Variants in CCDC141 observed in about 807,000 individuals in gnomAD.
The protein encoded by CCDC141 is coiled-coil domain containing 141.
In CCDC141, 168 loss-of-function variants were observed where a neutral mutation model predicts 181.0. The observed-to-expected ratio is 0.93, with a 90% CI of 0.82 to 1.05. The LOEUF is 1.05. Ranked by LOEUF, CCDC141 falls within the 50% of genes least tolerant of loss-of-function variation. The probability of loss-of-function intolerance (pLI) is 0.00; values close to 1 mark genes in which losing one functional copy is unlikely to be tolerated. For missense variants in CCDC141, 1,902 were observed against 1,788.5 expected (o/e 1.06, Z -1.14); for synonymous variants, 666 against 642.3 (o/e 1.04, Z -0.56).
intron 5 of CCDC141, among the ~76,000 whole-genome samples, chr2:178,950,802 G>A (rs945590635): frequency 2.0e-5 from 3 of 152,090 alleles, no homozygotes; most frequent in South Asian, 4.1e-4. Flanking sequence ...TTATTTTAAG[G>A]CAAACTTGTT....
At chr2:178,919,375 T>C (rs572932679) in intron 6 of CCDC141, among the ~76,000 whole-genome samples, 6 of 152,192 alleles carry the variant, frequency 3.9e-5, no homozygotes, top group Non-Finnish European at 5.9e-5. Flanking sequence ...TAGTAAATAT[T>C]GTAGTGGTAA....
chr2:178,835,155 T>G (rs543288441), intron 23 of CCDC141, among the ~76,000 whole-genome samples: 4 of 152,168 alleles, frequency 2.6e-5, no homozygotes, highest in Non-Finnish European at 4.4e-5. Flanking sequence ...TGACTCCTTA[T>G]AAACTGCATG....
intron 2 of CCDC141, among the ~76,000 whole-genome samples, chr2:179,000,449 C>T (rs2041936252): frequency 6.6e-6 from 1 of 152,074 alleles, no homozygotes; most frequent in Non-Finnish European, 1.5e-5. Context: ...ATAAAATATC[C>T]TAAAATATTC....
intron 2 of CCDC141, among the ~76,000 whole-genome samples, chr2:179,035,164 T>C (rs2043109593): frequency 6.6e-6 from 1 of 151,984 alleles, no homozygotes; most frequent in Non-Finnish European, 1.5e-5. Flanking sequence ...AGAATGCAGG[T>C]CAAACAGTCT....
chr2:178,861,407 A>G (rs1339565304), intron 17 of CCDC141, among the ~76,000 whole-genome samples: 3 of 152,096 alleles, frequency 2.0e-5, no homozygotes, highest in Non-Finnish European at 4.4e-5. Context: ...AGGCTGAGGC[A>G]GGTGGGTCAC....
At chr2:178,895,794 A>G (rs1687378474) in intron 8 of CCDC141, among the ~76,000 whole-genome samples, 1 of 152,188 alleles carries the variant, frequency 6.6e-6, no homozygotes, top group East Asian at 1.9e-4. Flanking sequence ...GTTATTTTTA[A>G]GTTCTTAAAT....
chr2:178,970,600 A>G (rs1252214364), intron 4 of CCDC141, among the ~76,000 whole-genome samples: 1 of 152,198 alleles, frequency 6.6e-6, no homozygotes, highest in Admixed American at 6.5e-5. Context: ...CCGTCCTTAC[A>G]CCTTATATGA....
intron 4 of CCDC141, among the ~76,000 whole-genome samples, chr2:178,965,589 A>T (rs1690590545): frequency 6.6e-6 from 1 of 152,148 alleles, no homozygotes; most frequent in Non-Finnish European, 1.5e-5. Flanking sequence ...CGGCACAGAT[A>T]CTGTGCTTGT....
intron 2 of CCDC141, among the ~76,000 whole-genome samples, chr2:179,033,005 A>G (rs967447640): frequency 1.4e-5 from 2 of 147,486 alleles, no homozygotes; most frequent in South Asian, 2.1e-4. Context: ...TTATATATAT[A>G]TATAATATAT....
intron 5 of CCDC141, among the ~76,000 whole-genome samples, chr2:178,959,211 G>A (rs998542866): frequency 1.3e-5 from 2 of 151,872 alleles, no homozygotes; most frequent in African/African-American, 4.8e-5. Context: ...GTTAATGGGT[G>A]CAGCACACCA....
In CCDC141 at chr2:178,935,721, A is replaced by T. The variant is rs376066928; in HGVS notation, c.897+8814T>A. On this transcript the variant is annotated intron_variant, in intron 6 of 23. Transcript: ENST00000443758. ...ATACTGTGATTTACACACTCCTATCAATGGTGTATAAGTGTTCCCTTTGCT... is the reference window on the plus strand; with the variant it reads ...ATACTGTGATTTACACACTCCTATCTATGGTGTATAAGTGTTCCCTTTGCT... 1.1e-4 allele frequency among the ~76,000 whole-genome samples: 16 copies of T among 152,206 alleles called. No homozygotes were observed. The South Asian group carries it at 3.3e-3, about 32-fold the overall frequency.
At chr2:178,889,096 T>C (rs1223527404) in intron 8 of CCDC141, among the ~76,000 whole-genome samples, 1 of 152,154 alleles carries the variant, frequency 6.6e-6, no homozygotes, top group East Asian at 1.9e-4. Flanking sequence ...TAGGGTAAAA[T>C]ATTTACATAA....
intron 8 of CCDC141, among the ~76,000 whole-genome samples, chr2:178,899,188 T>C (rs1187025250): frequency 1.3e-5 from 2 of 152,234 alleles, no homozygotes; most frequent in Admixed American, 6.5e-5. Context: ...AGTAACATGC[T>C]GCACAAGTCT....
intron 5 of CCDC141, among the ~76,000 whole-genome samples, chr2:178,948,850 C>T (rs11888693): frequency 2.5e-4 from 38 of 152,204 alleles, no homozygotes; most frequent in African/African-American, 8.9e-4. Flanking sequence ...AAGCTTTCAA[C>T]AGATGCCCAA....
In CCDC141 at chr2:178,837,465, G is replaced by T; in HGVS notation, c.3754C>A (p.Gln1252Lys). The part of the protein sequence containing the change: ...LSLHISSYGV[Q>K]AGTSSPGDAQ... ...TCCCCTGGGCTGCTGGTCCCAGCCT[G>T]CACCCCATAGCTGCTTATGTGAAGG... Residue 1252 changes from glutamine to lysine, a missense_variant, in exon 23 of 24, where the codon CAG becomes AAG. Transcript: ENST00000443758. 1 of 1,614,070 alleles carries T rather than the reference G, an allele frequency of 6.2e-7. No homozygotes were observed. Among genetic ancestry groups the T allele is most frequent in the Non-Finnish European group, 8.5e-7 (1 of 1,179,958 alleles).
At chr2:178,910,977 T>C (rs1393708095) in intron 7 of CCDC141, among the ~76,000 whole-genome samples, 1 of 152,240 alleles carries the variant, frequency 6.6e-6, no homozygotes, top group East Asian at 1.9e-4. Context: ...TCTCTTGTTC[T>C]GAGGAATACA....
intron 6 of CCDC141, among the ~76,000 whole-genome samples, chr2:178,922,495 C>T (rs562258795): frequency 6.6e-6 from 1 of 152,334 alleles, no homozygotes; most frequent in African/African-American, 2.4e-5. Context: ...AAAACTTCCA[C>T]ATGGCCTGGA....
At chr2:178,855,610 T>A (rs574136580) in intron 18 of CCDC141, 69 bp from the exon 19 acceptor site, 2 of 1,081,016 alleles carry the variant, frequency 1.9e-6, no homozygotes, top group Non-Finnish European at 2.6e-6. Flanking sequence ...GATTAAATAC[T>A]GAGAGAAAAA....
chr2:178,983,310 T>A (rs1691535903), intron 2 of CCDC141, among the ~76,000 whole-genome samples: 2 of 151,900 alleles, frequency 1.3e-5, no homozygotes, highest in African/African-American at 4.8e-5. Context: ...CAAAAACCCA[T>A]CTGTACATCA....
Sources: allele counts gnomAD v4.1 joint callset (sites outside exome capture counted in the v4.1 genomes callset), GRCh38; gene constraint gnomAD v4.1.1; transcripts MANE v1.5; gene names NCBI Gene and HGNC (gene_info 2026-07-23, HGNC 2026-07-21).